TTC13: variants seen among roughly 807,000 people sequenced by gnomAD.
TTC13 encodes tetratricopeptide repeat domain 13.
A neutral mutation model predicts 120.0 loss-of-function variants in TTC13; 62 were observed. The ratio of observed to expected loss-of-function variants is 0.52; its 90% CI spans 0.42 to 0.64. TTC13 has a LOEUF of 0.64. Among genes scored for constraint, TTC13 ranks in the 30% least tolerant of loss-of-function variants. The pLI is 0.00. For synonymous variants in TTC13, 384 were observed against 393.5 expected (o/e 0.98, Z 0.28); for missense variants, 824 against 1,050.2 (o/e 0.78, Z 2.98).
At chr1:230,960,336 A>G (rs1257813289) in intron 2 of TTC13, among the ~76,000 whole-genome samples, 1 of 152,182 alleles carries the variant, frequency 6.6e-6, no homozygotes, top group Non-Finnish European at 1.5e-5. Context: ...TAACTCTAAG[A>G]ATCTAACTGC....
intron 3 of TTC13, 103 bp from the exon 4 acceptor site, chr1:230,954,506 C>T (rs1397479046): frequency 1.2e-6 from 1 of 854,390 alleles, no homozygotes; most frequent in Admixed American, 2.8e-5. Context: ...GCTCCAAGCA[C>T]TGGAAGCAGT....
chr1:230,916,272 T>A lies in TTC13; in HGVS notation c.2014A>T (p.Thr672Ser). 1 of 1,614,180 alleles carries A rather than the reference T, an allele frequency of 6.2e-7. No individual in the cohort carries two copies. Among genetic ancestry groups the A allele is most frequent in the Non-Finnish European group, 8.5e-7 (1 of 1,179,992 alleles). Residue 672 changes from threonine to serine, a missense_variant, in exon 18 of 23, where the codon ACC becomes TCC. Physicochemically the swap from Thr to Ser is moderately conservative, Grantham distance 58. Around this residue, in one of 4 missense-constraint regions of TTC13, gnomAD observed 226 missense variants for 259.1 expected, o/e 0.87. Coordinates refer to ENST00000366661, the MANE Select transcript of TTC13 (RefSeq NM_024525.5). ...AGGCTGGGAACTTTTGTGTTCACGG[T>A]GAACCCATCCTTCGTTTTAGTATTA... The part of the protein sequence containing the change: ...QFNTKTKDGF[T>S]VNTKVPSLKD...
At chr1:230,965,255 A>G (rs1249984589) in intron 1 of TTC13, among the ~76,000 whole-genome samples, 1 of 152,234 alleles carries the variant, frequency 6.6e-6, no homozygotes, top group Non-Finnish European at 1.5e-5. Flanking sequence ...ACCAGAATAT[A>G]TAAGGAGCAC....
chr1:230,918,937 T>C (rs1278100957), intron 17 of TTC13, among the ~76,000 whole-genome samples: 2 of 152,234 alleles, frequency 1.3e-5, no homozygotes, highest in African/African-American at 4.8e-5. Context: ...AAACCACTAA[T>C]TGGAAAAGCA....
At position 230,954,419 on chromosome 1, in the gene TTC13, C is replaced by T; in HGVS notation, c.443-16G>A. ...TAAGCAATAGCTATGAAACAAAATA[C>T]AAAAATATTAAAGGAAAGAATAAAG... On this transcript the variant is annotated splice_polypyrimidine_tract_variant and intron_variant, in intron 3 of 22. Coordinates refer to ENST00000366661, the MANE Select transcript of TTC13 (RefSeq NM_024525.5). The T allele has an allele frequency of 6.3e-7, 1 of 1,589,590 alleles. No individual in the cohort carries two copies. Among genetic ancestry groups the T allele is most frequent in the Non-Finnish European group, 8.6e-7 (1 of 1,162,422 alleles).
At chr1:230,921,398 G>C (rs749036345) in intron 16 of TTC13, 23 bp downstream of exon 16, 1 of 1,287,646 alleles carries the variant, frequency 7.8e-7, no homozygotes, top group Admixed American at 2.1e-5. Context: ...TCATTACTAA[G>C]AAGGAGAAAA....
At chr1:230,939,073 G>A (rs1467675938) in intron 8 of TTC13, among the ~76,000 whole-genome samples, 1 of 152,106 alleles carries the variant, frequency 6.6e-6, no homozygotes, top group Non-Finnish European at 1.5e-5. Flanking sequence ...CTCTAACTCT[G>A]CAGTTCCAAT....
At chr1:230,923,769 C>T in intron 15 of TTC13, 72 bp downstream of exon 15, 1 of 1,308,920 alleles carries the variant, frequency 7.6e-7, no homozygotes, top group Non-Finnish European at 1.1e-6. Flanking sequence ...ATGGGTCACT[C>T]CTGGTCTCCA....
intron 11 of TTC13, among the ~76,000 whole-genome samples, chr1:230,929,768 C>T (rs892665408): frequency 2.0e-5 from 3 of 152,222 alleles, no homozygotes; most frequent in South Asian, 2.1e-4. Flanking sequence ...TTTCACCAAC[C>T]GACTAATGGA....
chr1:230,963,671 T>TAAAA (rs1553297649), intron 1 of TTC13, among the ~76,000 whole-genome samples: 5 of 109,906 alleles, frequency 4.5e-5, no homozygotes, highest in Admixed American at 9.6e-5. Flanking sequence ...AATAAATAAA[T>TAAAA]AAAAGAAAAA....
Position 230,978,744 on chromosome 1 carries a change from C to T in TTC13, c.87G>A (p.Leu29=). ...AAGAARRVLL[L]LLLGVLSAGL... is the part of the protein sequence containing the mutation. ...CGGCGGACAGGACCCCCAGCAGCAG[C>T]AGCAGCAGGACACGCCGGGCGGCGC... Residue 29 remains leucine, a synonymous_variant, in exon 1 of 23, where the codon CTG becomes CTA. Coordinates refer to ENST00000366661, the MANE Select transcript of TTC13 (RefSeq NM_024525.5). The surrounding 1 kb of genome is among the most constrained non-coding windows in gnomAD (Gnocchi z 5.6). 1.3e-6 allele frequency: 2 copies of T among 1,498,990 alleles called. No homozygotes were observed. Among genetic ancestry groups the T allele is most frequent in the Non-Finnish European group, 8.8e-7 (1 of 1,132,254 alleles). 92.9% of individuals were successfully genotyped at this position (1,498,990 alleles called of 1,614,324 possible).
In TTC13 at chr1:230,940,341, C is replaced by T; in HGVS notation, c.789+99G>A. ...CTTATGACACAGACATATTACTAAA[C>T]AGTCAAAGCCCAAATCTATCAAAGA... On this transcript the variant is annotated intron_variant, in intron 7 of 22. Transcript: ENST00000366661. This position sits in a 1 kb window ranked among gnomAD's most constrained non-coding sequence, Gnocchi z 4.1. The T allele has an allele frequency of 1.4e-6, 1 of 733,264 alleles. No individual in the cohort carries two copies. The highest frequency in any genetic ancestry group is 2.7e-5 in the East Asian group (1 of 37,110). 45.4% of individuals were successfully genotyped at this position (733,264 alleles called of 1,614,324 possible).
intron 9 of TTC13, 23 bp downstream of exon 9, chr1:230,933,756 C>A: frequency 7.0e-7 from 1 of 1,426,318 alleles, no homozygotes; most frequent in South Asian, 1.2e-5. Context: ...CCCTCCTACC[C>A]CAACTGTTAT....
chr1:230,962,396 A>C (rs974248214), intron 1 of TTC13, among the ~76,000 whole-genome samples: 1 of 152,190 alleles, frequency 6.6e-6, no homozygotes, highest in African/African-American at 2.4e-5. Context: ...AACCACAATA[A>C]GGTACCTCTT....
At chr1:230,974,211 CTCTA>C (rs1248371933) in intron 1 of TTC13, among the ~76,000 whole-genome samples, 2 of 152,272 alleles carry the variant, frequency 1.3e-5, no homozygotes, top group South Asian at 2.1e-4. Flanking sequence ...CCAAATCTCA[CTCTA>C]TCTAAGTCTC....
At chr1:230,917,317 A>C (rs10864790) in intron 17 of TTC13, among the ~76,000 whole-genome samples, 2 of 152,004 alleles carry the variant, frequency 1.3e-5, no homozygotes, top group Non-Finnish European at 2.9e-5. Context: ...TAGGTGAGGC[A>C]AAGTCTGGCT....
Position 230,978,466 on chromosome 1 carries a change from CGT to C in TTC13, c.271+92_271+93del, listed in dbSNP as rs1220304294. ...GCGGATCGCGCGCCGCAGCCGGAGG[CGT>C]GAGGCCCGGGCGACCCGTACCCCGG... is the stretch of plus-strand genomic sequence containing the variant. On this transcript the variant is annotated intron_variant, in intron 1 of 22. Coordinates refer to ENST00000366661, the MANE Select transcript of TTC13 (RefSeq NM_024525.5). The surrounding 1 kb of genome is among the most constrained non-coding windows in gnomAD (Gnocchi z 5.6). 1.5e-5 allele frequency: 5 copies of C among 333,012 alleles called. No individual in the cohort carries two copies. In the Admixed American group the frequency reaches 2.5e-4, roughly 17 times the overall value. 20.6% of individuals were successfully genotyped at this position (333,012 alleles called of 1,614,324 possible).
rs1198331942 is a variant in TTC13 at position 230,942,126 on chromosome 1, CAGT to C, written c.673-1573_673-1571del. Among the ~76,000 whole-genome samples, 5 of 152,036 alleles carry C rather than the reference CAGT, an allele frequency of 3.3e-5. No individual in the cohort carries two copies. The highest frequency in any genetic ancestry group is 4.8e-5 in the African/African-American group (2 of 41,394). ...AATTACCAATGCCATTTTTGATAAA[CAGT>C]AGTTTTTTATTAGATATGCAAATTG... On this transcript the variant is annotated intron_variant, in intron 6 of 22. Transcript: ENST00000366661. This position sits in a 1 kb window ranked among gnomAD's most constrained non-coding sequence, Gnocchi z 4.0.
intron 4 of TTC13, among the ~76,000 whole-genome samples, chr1:230,946,353 T>G (rs1674997663): frequency 6.6e-6 from 1 of 152,204 alleles, no homozygotes; most frequent in African/African-American, 2.4e-5. Context: ...ACTGTTCAGT[T>G]TCAAATCTGA....
Sources: allele counts gnomAD v4.1 joint callset (sites outside exome capture counted in the v4.1 genomes callset), GRCh38; gene constraint gnomAD v4.1.1; regional missense constraint gnomAD v4.1.1; non-coding constraint Gnocchi (gnomAD v3.1); transcripts MANE v1.5; gene names NCBI Gene and HGNC (gene_info 2026-07-23, HGNC 2026-07-21).